The following FTCDNL1 variants were observed in gnomAD, a reference collection of about 807,000 sequenced individuals.
The protein encoded by FTCDNL1 is formiminotransferase cyclodeaminase N-terminal like.
In FTCDNL1, 11 loss-of-function variants were observed where a neutral mutation model predicts 5.9. The ratio of observed to expected loss-of-function variants is 1.87; its 90% CI spans 1.18 to 3.10. The LOEUF is 3.10. FTCDNL1 is among the 30% of genes most tolerant of loss of function. The pLI is 0.00. For synonymous variants in FTCDNL1, 58 were observed against 24.8 expected (o/e 2.34, Z -3.99); for missense variants, 115 against 65.5 (o/e 1.76, Z -2.61).
At chr2:199,797,637 T>C (rs191940945) in intron 3 of FTCDNL1, among the ~76,000 whole-genome samples, 52 of 152,340 alleles carry the variant, frequency 3.4e-4, no homozygotes, top group Middle Eastern at 6.8e-3. Flanking sequence ...TTTTATTGAT[T>C]ACATTTGAGG....
chr2:199,702,877 T>C, the FTCDNL1 span, among the ~76,000 whole-genome samples: 1 of 151,850 alleles, frequency 6.6e-6, no homozygotes, highest in Admixed American at 6.6e-5. Context: ...ATCGAAGAAA[T>C]AGCAGATGGA....
intron 3 of FTCDNL1, among the ~76,000 whole-genome samples, chr2:199,824,514 T>C (rs1417933167): frequency 2.0e-5 from 3 of 152,226 alleles, no homozygotes; most frequent in African/African-American, 7.2e-5. Flanking sequence ...CTTGGCCAGC[T>C]GGCACAAGAG....
chr2:199,752,537 C>G, the FTCDNL1 span, among the ~76,000 whole-genome samples: 2 of 152,282 alleles, frequency 1.3e-5, no homozygotes, highest in East Asian at 3.9e-4. Flanking sequence ...GAATAGAACA[C>G]TAGACTGTCT....
At position 199,821,213 on chromosome 2, in the gene FTCDNL1, G is replaced by A. The variant is rs1479088919; in HGVS notation, c.212-1456C>T. Among the ~76,000 whole-genome samples the A allele has an allele frequency of 4.6e-5, 7 of 152,036 alleles. No individual in the cohort carries two copies. The South Asian group carries it at 1.0e-3, about 23-fold the overall frequency. Reference sequence around the variant, plus strand: ...CGCCCAGGCTGGAGTGTAGTGGTGCGATCTTGGCTCACCGCAAACTCCACT... The same window carrying A: ...CGCCCAGGCTGGAGTGTAGTGGTGCAATCTTGGCTCACCGCAAACTCCACT... On this transcript the variant is annotated intron_variant, in intron 3 of 4. Coordinates refer to ENST00000420128, the MANE Select transcript of FTCDNL1 (RefSeq NM_001363886.2).
chr2:199,805,377 A>G (rs1700668617), downstream of FTCDNL1, among the ~76,000 whole-genome samples: 1 of 152,122 alleles, frequency 6.6e-6, no homozygotes, highest in African/African-American at 2.4e-5. Context: ...AGGCGGGAGG[A>G]CTGCTTGAGC....
intron 3 of FTCDNL1, among the ~76,000 whole-genome samples, chr2:199,830,300 C>T (rs901897394): frequency 2.0e-5 from 3 of 152,140 alleles, no homozygotes; most frequent in South Asian, 4.1e-4. Flanking sequence ...CGATTAATCT[C>T]GCTACAGTAT....
At chr2:199,731,174 C>T in the FTCDNL1 span, among the ~76,000 whole-genome samples, 1 of 152,116 alleles carries the variant, frequency 6.6e-6, no homozygotes, top group African/African-American at 2.4e-5. Context: ...AGGGGAACAT[C>T]ACACACCAGG....
At chr2:199,669,803 T>G in the FTCDNL1 span, among the ~76,000 whole-genome samples, 4 of 152,212 alleles carry the variant, frequency 2.6e-5, no homozygotes, top group African/African-American at 7.2e-5. Flanking sequence ...TGATTTGCTT[T>G]TATGCAATGC....
the FTCDNL1 span, among the ~76,000 whole-genome samples, chr2:199,680,862 C>T: frequency 4.6e-5 from 7 of 152,136 alleles, no homozygotes; most frequent in South Asian, 4.1e-4. Context: ...TCCCCCTTGC[C>T]GCCACCCCTA....
chr2:199,684,880 C>A, the FTCDNL1 span, among the ~76,000 whole-genome samples: 15 of 152,142 alleles, frequency 9.9e-5, no homozygotes, highest in Admixed American at 2.0e-4. Flanking sequence ...AAAAGTGTGG[C>A]AAGAAGACAG....
intron 3 of FTCDNL1, among the ~76,000 whole-genome samples, chr2:199,828,999 T>A (rs1395540169): frequency 6.6e-6 from 1 of 152,150 alleles, no homozygotes; most frequent in African/African-American, 2.4e-5. Context: ...CTTAGAGTAG[T>A]GGTCATATTC....
At chr2:199,824,572 G>C (rs1701903457) in intron 3 of FTCDNL1, among the ~76,000 whole-genome samples, 1 of 152,118 alleles carries the variant, frequency 6.6e-6, no homozygotes, top group Non-Finnish European at 1.5e-5. Flanking sequence ...TCTTCACTAA[G>C]TTTAATCATT....
At chr2:199,690,547 C>T in the FTCDNL1 span, among the ~76,000 whole-genome samples, 1 of 152,164 alleles carries the variant, frequency 6.6e-6, no homozygotes, top group African/African-American at 2.4e-5. Flanking sequence ...TTTCAAAGAC[C>T]ACCTCAGAGA....
the FTCDNL1 span, among the ~76,000 whole-genome samples, chr2:199,699,589 A>G: frequency 5.9e-5 from 9 of 152,192 alleles, no homozygotes; most frequent in African/African-American, 1.9e-4. Context: ...CCTGGAAGAC[A>G]TAATAAACAA....
At chr2:199,778,220 C>T (rs1400832374) in intron 3 of FTCDNL1, among the ~76,000 whole-genome samples, 1 of 152,148 alleles carries the variant, frequency 6.6e-6, no homozygotes, top group East Asian at 1.9e-4. Flanking sequence ...TGGAGAGGAA[C>T]TAGGCATTAT....
chr2:199,757,979 A>G (rs1204269882), downstream of FTCDNL1, among the ~76,000 whole-genome samples: 1 of 152,136 alleles, frequency 6.6e-6, no homozygotes. Context: ...CCACAGTGGA[A>G]TATCCTTGGC....
the FTCDNL1 span, among the ~76,000 whole-genome samples, chr2:199,729,652 G>A: frequency 3.3e-5 from 5 of 152,170 alleles, no homozygotes; most frequent in Non-Finnish European, 7.3e-5. Context: ...CAAGGGATGT[G>A]AAGGACCTCT....
chr2:199,691,424 G>T, the FTCDNL1 span, among the ~76,000 whole-genome samples: 1 of 152,282 alleles, frequency 6.6e-6, no homozygotes, highest in Non-Finnish European at 1.5e-5. Context: ...CTGCCCGAAA[G>T]GTGGCCAATT....
chr2:199,751,739 T>C, the FTCDNL1 span, among the ~76,000 whole-genome samples: 2 of 149,122 alleles, frequency 1.3e-5, no homozygotes, highest in Admixed American at 1.4e-4. Flanking sequence ...CAAAAAGTGT[T>C]CCGCGAGGTA....
Sources: gnomAD v4.1 joint callset for allele counts (sites outside exome capture counted in the v4.1 genomes callset) on GRCh38, gnomAD v4.1.1 for gene constraint, MANE v1.5 for transcripts, NCBI Gene and HGNC (gene_info 2026-07-23, HGNC 2026-07-21) for gene names.